FAM13A: variants seen among roughly 807,000 people sequenced by gnomAD.
FAM13A encodes the protein protein FAM13A.
Under a neutral mutation model 129.6 loss-of-function variants are expected in FAM13A, and 76 were observed. The observed-to-expected ratio is 0.59, with a 90% CI of 0.49 to 0.71. FAM13A has a LOEUF of 0.71. Ranked by LOEUF, FAM13A falls within the 30% of genes least tolerant of loss-of-function variation. The pLI is 0.00. For synonymous variants in FAM13A, 443 were observed against 449.9 expected (o/e 0.98, Z 0.20); for missense variants, 1,108 against 1,249.3 (o/e 0.89, Z 1.70).
chr4:89,006,930 A>G (rs891385832), intron 3 of FAM13A, among the ~76,000 whole-genome samples: 6 of 152,076 alleles, frequency 3.9e-5, no homozygotes, highest in Middle Eastern at 3.2e-3. Context: ...TCGACATTCA[A>G]CCACTTGTCC....
At chr4:88,867,046 C>T (rs1361945592) in intron 6 of FAM13A, among the ~76,000 whole-genome samples, 1 of 152,146 alleles carries the variant, frequency 6.6e-6, no homozygotes, top group Non-Finnish European at 1.5e-5. Context: ...ATAAAGTTGC[C>T]ATGAACACTG....
chr4:88,850,014 A>C lies in FAM13A; in HGVS notation c.1007+1006T>G, dbSNP rs1266494697. Among the ~76,000 whole-genome samples, 3 of 152,216 alleles carry C rather than the reference A, an allele frequency of 2.0e-5. No individual in the cohort carries two copies. The East Asian group carries it at 5.8e-4, about 29-fold the overall frequency. ...TCGCCATCTAAATTATCTTCATCAG[A>C]TCCAGCCCAAATGCTATGTCTTCTA... is the stretch of plus-strand genomic sequence containing the variant. On this transcript the variant is annotated intron_variant, in intron 7 of 23. Transcript: ENST00000264344.
chr4:89,001,721 T>C (rs548516718), intron 3 of FAM13A, among the ~76,000 whole-genome samples: 24 of 152,178 alleles, frequency 1.6e-4, no homozygotes, highest in African/African-American at 5.8e-4. Flanking sequence ...CTCAACACAA[T>C]ACAGATGGCA....
At chr4:88,966,265 T>C (rs1759336708) in intron 4 of FAM13A, among the ~76,000 whole-genome samples, 1 of 152,192 alleles carries the variant, frequency 6.6e-6, no homozygotes, top group African/African-American at 2.4e-5. Context: ...ATTAGACCCT[T>C]GTGAGCTACA....
intron 7 of FAM13A, among the ~76,000 whole-genome samples, chr4:88,819,910 T>C (rs1731556430): frequency 1.3e-5 from 2 of 152,218 alleles, no homozygotes; most frequent in African/African-American, 4.8e-5. Context: ...CATTAAGAAC[T>C]GAGGACTTTA....
intron 10 of FAM13A, among the ~76,000 whole-genome samples, chr4:88,782,649 C>T (rs1394743786): frequency 6.6e-6 from 1 of 151,972 alleles, no homozygotes; most frequent in African/African-American, 2.4e-5. Flanking sequence ...TTTTAACACT[C>T]CATATTTTAG....
chr4:88,924,554 C>T (rs1751755171), intron 5 of FAM13A, among the ~76,000 whole-genome samples: 1 of 152,166 alleles, frequency 6.6e-6, no homozygotes, highest in Admixed American at 6.5e-5. Flanking sequence ...AAAATTAATT[C>T]AAGATGGATT....
intron 14 of FAM13A, among the ~76,000 whole-genome samples, chr4:88,754,609 C>T (rs1743263110): frequency 6.6e-6 from 1 of 152,110 alleles, no homozygotes; most frequent in South Asian, 2.1e-4. Flanking sequence ...ACATCCCAGA[C>T]ATAAAAAGAT....
chr4:88,824,851 G>A (rs1732695039), intron 7 of FAM13A, among the ~76,000 whole-genome samples: 1 of 152,002 alleles, frequency 6.6e-6, no homozygotes, highest in African/African-American at 2.4e-5. Context: ...GGAATTACAG[G>A]CGCCCGCCAC....
chr4:88,776,606 C>T (rs908110303), intron 11 of FAM13A, among the ~76,000 whole-genome samples: 12 of 152,088 alleles, frequency 7.9e-5, no homozygotes, highest in African/African-American at 2.9e-4. Context: ...ATTTAAATTG[C>T]TTCTAATTCT....
chr4:88,834,859 C>T (rs1734543394), intron 7 of FAM13A, among the ~76,000 whole-genome samples: 1 of 152,102 alleles, frequency 6.6e-6, no homozygotes, highest in Non-Finnish European at 1.5e-5. Flanking sequence ...TCTCTCTCTT[C>T]CTTCCCTGTC....
intron 7 of FAM13A, among the ~76,000 whole-genome samples, chr4:88,807,726 A>G (rs2869949): frequency 0.51 from 77,864 of 151,944 alleles, 20,165 homozygotes; most frequent in East Asian, 0.69. Flanking sequence ...AAGTCCATCC[A>G]TAATGCATTA....
At chr4:88,820,433 T>C (rs747851569) in intron 7 of FAM13A, among the ~76,000 whole-genome samples, 1 of 152,142 alleles carries the variant, frequency 6.6e-6, no homozygotes, top group Non-Finnish European at 1.5e-5. Context: ...CAGTACAGAG[T>C]AGTGTTCAGT....
intron 14 of FAM13A, among the ~76,000 whole-genome samples, chr4:88,752,179 C>T (rs530874105): frequency 1.3e-5 from 2 of 152,296 alleles, no homozygotes; most frequent in East Asian, 3.9e-4. Flanking sequence ...GCCTCACACA[C>T]ACAAGTTTAA....
At chr4:88,755,184 A>G (rs1743381793) in intron 14 of FAM13A, among the ~76,000 whole-genome samples, 1 of 152,128 alleles carries the variant, frequency 6.6e-6, no homozygotes. Context: ...TAGTAATACC[A>G]ATTCCTCTTG....
intron 21 of FAM13A, among the ~76,000 whole-genome samples, chr4:88,735,467 G>A (rs1346418561): frequency 6.6e-6 from 1 of 152,116 alleles, no homozygotes; most frequent in African/African-American, 2.4e-5. Flanking sequence ...TCTCTATTCT[G>A]CCAGAGAAGT....
At chr4:89,022,487 T>C (rs1767405333) in intron 2 of FAM13A, among the ~76,000 whole-genome samples, 1 of 152,098 alleles carries the variant, frequency 6.6e-6, no homozygotes, top group African/African-American at 2.4e-5. Context: ...ACACTAGGGA[T>C]GATATTAAAA....
intron 11 of FAM13A, among the ~76,000 whole-genome samples, chr4:88,778,110 T>A (rs1208476217): frequency 6.6e-6 from 1 of 152,210 alleles, no homozygotes; most frequent in Non-Finnish European, 1.5e-5. Flanking sequence ...TGGCTTTAAA[T>A]GTCATTTACA....
chr4:88,757,365 C>A (rs532209481), intron 14 of FAM13A, among the ~76,000 whole-genome samples: 5 of 151,964 alleles, frequency 3.3e-5, no homozygotes, highest in Non-Finnish European at 5.9e-5. Flanking sequence ...CACTAAGACA[C>A]AAATATAACA....
Sources: allele counts gnomAD v4.1 joint callset (sites outside exome capture counted in the v4.1 genomes callset), GRCh38; gene constraint gnomAD v4.1.1; transcripts MANE v1.5; gene names NCBI Gene and HGNC (gene_info 2026-07-23, HGNC 2026-07-21).